Variants in MAP2K4 observed in about 807,000 individuals in gnomAD.
MAP2K4 encodes the protein mitogen-activated protein kinase kinase 4.
In MAP2K4, 4 loss-of-function variants were observed where a neutral mutation model predicts 48.5. That is an observed-to-expected ratio of 0.08 (90% confidence interval 0.04 to 0.19). MAP2K4 has a LOEUF of 0.19. MAP2K4 is among the 10% of genes least tolerant of loss of function. MAP2K4 has a pLI of 1.00. For synonymous variants in MAP2K4, 166 were observed against 173.1 expected (o/e 0.96, Z 0.32); for missense variants, 258 against 493.3 (o/e 0.52, Z 4.52).
chr17:12,066,202 C>G (rs566500482), intron 2 of MAP2K4, among the ~76,000 whole-genome samples: 1 of 151,682 alleles, frequency 6.6e-6, no homozygotes, highest in South Asian at 2.1e-4. Context: ...ATCTTATCAT[C>G]CAGGTAGTTC....
chr17:12,115,933 A>G, intron 7 of MAP2K4: 1 of 502,002 alleles, frequency 2.0e-6, no homozygotes, highest in South Asian at 1.8e-5. Context: ...TTCATCTTCT[A>G]ACACCAGCTA....
intron 7 of MAP2K4, among the ~76,000 whole-genome samples, chr17:12,121,407 C>CA (rs988857020): frequency 1.3e-5 from 2 of 151,694 alleles, no homozygotes; most frequent in African/African-American, 4.8e-5. Flanking sequence ...TCCCATATGT[C>CA]AAAAAAACTA....
intron 1 of MAP2K4, among the ~76,000 whole-genome samples, chr17:12,040,586 T>A (rs1254150649): frequency 2.6e-5 from 4 of 152,210 alleles, no homozygotes; most frequent in Non-Finnish European, 5.9e-5. Flanking sequence ...AGACTAGTCC[T>A]GCCAAATTAA....
intron 2 of MAP2K4, among the ~76,000 whole-genome samples, chr17:12,072,327 A>G (rs940947042): frequency 1.3e-5 from 2 of 152,198 alleles, no homozygotes; most frequent in African/African-American, 4.8e-5. Flanking sequence ...CATGAAGCCC[A>G]ATACAGTATT....
At chr17:12,113,409 G>A in intron 7 of MAP2K4, 49 bp downstream of exon 7, 2 of 1,592,006 alleles carry the variant, frequency 1.3e-6, no homozygotes, top group Non-Finnish European at 1.7e-6. Context: ...TGCACAGAGA[G>A]CCTGTGCTCT....
chr17:12,114,728 G>C (rs1972429685), intron 7 of MAP2K4, among the ~76,000 whole-genome samples: 1 of 152,122 alleles, frequency 6.6e-6, no homozygotes, highest in African/African-American at 2.4e-5. Flanking sequence ...AATTATATTT[G>C]ATTGAAGCAG....
chr17:12,024,838 G>T (rs1969206581), intron 1 of MAP2K4, among the ~76,000 whole-genome samples: 1 of 152,174 alleles, frequency 6.6e-6, no homozygotes, highest in African/African-American at 2.4e-5. Context: ...CCTAGCCATG[G>T]CTAGGGCTTT....
At chr17:12,128,107 T>C (rs996331332) in intron 8 of MAP2K4, among the ~76,000 whole-genome samples, 1 of 152,216 alleles carries the variant, frequency 6.6e-6, no homozygotes, top group Non-Finnish European at 1.5e-5. Context: ...AGATGGAGTC[T>C]CTCTCTGTCC....
chr17:12,047,851 A>G (rs970794920), intron 1 of MAP2K4, among the ~76,000 whole-genome samples: 7 of 152,210 alleles, frequency 4.6e-5, no homozygotes, highest in Non-Finnish European at 8.8e-5. Flanking sequence ...AGTACTGCCA[A>G]GTAGCAGACT....
intron 9 of MAP2K4, among the ~76,000 whole-genome samples, chr17:12,133,854 T>A (rs28921089): frequency 6.6e-6 from 1 of 152,312 alleles, no homozygotes; most frequent in Non-Finnish European, 1.5e-5. Context: ...ACTGCCTAAT[T>A]GTGCAACTAA....
At chr17:12,125,711 A>G (rs1289661948) in intron 8 of MAP2K4, among the ~76,000 whole-genome samples, 8 of 152,212 alleles carry the variant, frequency 5.3e-5, no homozygotes, top group Admixed American at 5.2e-4. Context: ...ATGAAGGCAC[A>G]TAGGCTTCTC....
chr17:12,113,206 A>G (rs2151577587), intron 6 of MAP2K4, 27 bp from the exon 7 acceptor site: 1 of 1,607,280 alleles, frequency 6.2e-7, no homozygotes, highest in African/African-American at 1.3e-5. Context: ...AGCTAATTGT[A>G]TACTGAATGA....
At position 12,129,128 on chromosome 17, in the gene MAP2K4, G is replaced by T; in HGVS notation, c.892-11G>T. On this transcript the variant is annotated splice_polypyrimidine_tract_variant and intron_variant, in intron 8 of 10. Transcript: ENST00000353533. The stretch of plus-strand genomic sequence containing the variant: ...TGGTGTATTTTGCTCTTTCCTCTTT[G>T]TTCTCTTTAGTATGAGTTGGCCACA... 6.2e-7 allele frequency: 1 copy of T among 1,612,600 alleles called. No homozygotes were observed. Among genetic ancestry groups the T allele is most frequent in the South Asian group, 1.1e-5 (1 of 90,978 alleles).
intron 4 of MAP2K4, 76 bp downstream of exon 4, chr17:12,095,770 T>C: frequency 6.8e-7 from 1 of 1,479,406 alleles, no homozygotes; most frequent in African/African-American, 1.4e-5. Context: ...TTCGATTCTA[T>C]TCTTAAATGC....
chr17:12,036,008 C>T (rs994901732), intron 1 of MAP2K4, among the ~76,000 whole-genome samples: 1 of 152,038 alleles, frequency 6.6e-6, no homozygotes, highest in Non-Finnish European at 1.5e-5. Context: ...GCACAAATAG[C>T]GATTACATAT....
chr17:12,101,471 C>T (rs889357603), intron 4 of MAP2K4, among the ~76,000 whole-genome samples: 28 of 151,922 alleles, frequency 1.8e-4, no homozygotes, highest in East Asian at 1.9e-4. Context: ...AAAGTTGTTT[C>T]GGCTCTTTCA....
chr17:12,117,153 A>G (rs370221148), intron 7 of MAP2K4, among the ~76,000 whole-genome samples: 10 of 152,256 alleles, frequency 6.6e-5, no homozygotes, highest in African/African-American at 1.9e-4. Context: ...TTTATTCTAA[A>G]CACTTCAGTG....
chr17:12,087,001 C>A (rs1427364581), intron 3 of MAP2K4, among the ~76,000 whole-genome samples: 1 of 152,082 alleles, frequency 6.6e-6, no homozygotes, highest in Non-Finnish European at 1.5e-5. Flanking sequence ...CACGCACCAC[C>A]ACACCCGGCC....
chr17:12,052,737 AT>A (rs1411913767), intron 1 of MAP2K4, among the ~76,000 whole-genome samples: 1 of 152,116 alleles, frequency 6.6e-6, no homozygotes, highest in African/African-American at 2.4e-5. Flanking sequence ...GTTTGTAAAG[AT>A]TTTCTTCAAA....
Sources: gnomAD v4.1 joint callset for allele counts (sites outside exome capture counted in the v4.1 genomes callset) on GRCh38, gnomAD v4.1.1 for gene constraint, MANE v1.5 for transcripts, NCBI Gene and HGNC (gene_info 2026-07-23, HGNC 2026-07-21) for gene names.